The following ABCB4 variants were observed in gnomAD, a reference collection of about 807,000 sequenced individuals.
The protein encoded by ABCB4 is ATP binding cassette subfamily B member 4.
ABCB4 carries 76 observed loss-of-function variants against 145.7 expected under a neutral mutation model. That is an observed-to-expected ratio of 0.52 (90% CI 0.43 to 0.63). The LOEUF (loss-of-function observed/expected upper bound fraction) is 0.63. Among genes scored for constraint, ABCB4 ranks in the 30% least tolerant of loss-of-function variants. The pLI is 0.00. For synonymous variants in ABCB4, 517 were observed against 566.8 expected, an observed-to-expected ratio of 0.91 and a Z score of 1.25; for missense variants, 1,234 against 1,553.1, an observed-to-expected ratio of 0.79 and a Z score of 3.45.
Position 87,417,504 on chromosome 7 carries a change from G to A in ABCB4, c.2490C>T (p.Thr830=), listed in dbSNP as rs1307638480. The change falls in exon 21 of 28, where the codon ACC becomes ACT. Residue 830 remains threonine, a synonymous_variant. Coordinates refer to ENST00000649586, the MANE Select transcript of ABCB4 (RefSeq NM_000443.4). The part of the protein sequence containing the change: ...DAAQVQGATG[T]RLALIAQNIA... Reference sequence around the variant, plus strand: ...TATTCTGTGCAATTAAAGCCAACCTGGTTCCTGTGGCCTGGGAGAGAAAAA... The same window carrying A: ...TATTCTGTGCAATTAAAGCCAACCTAGTTCCTGTGGCCTGGGAGAGAAAAA... 1 of 1,614,042 alleles carries A rather than the reference G, an allele frequency of 6.2e-7. No homozygotes were observed. The highest frequency in any genetic ancestry group is 1.1e-5 in the South Asian group (1 of 91,074).
rs987762482 is a variant in ABCB4, at chr7:87,461,297, T to G, written c.286+1461A>C. 2.7e-4 allele frequency among the ~76,000 whole-genome samples: 41 copies of G among 152,320 alleles called. 1 individual carries two copies. Among genetic ancestry groups the G allele is most frequent in the Middle Eastern group, 6.8e-3 (2 of 294 alleles). The stretch of plus-strand genomic sequence containing the variant: ...TCTGTCCTACCACAACTTCACAATG[T>G]TTATGTTAAAGTTTTGGTCACTAGT... On this transcript the variant is annotated intron_variant, in intron 4 of 27. Coordinates refer to ENST00000649586, the MANE Select transcript of ABCB4 (RefSeq NM_000443.4).
chr7:87,377,449 A>G, the ABCB4 span: 2 of 1,567,806 alleles, frequency 1.3e-6, no homozygotes, highest in African/African-American at 1.4e-5. Context: ...TGTAATTGTG[A>G]TGTAAGTAAA....
At chr7:87,376,826 T>C in the ABCB4 span, among the ~76,000 whole-genome samples, 81 of 152,272 alleles carry the variant, frequency 5.3e-4, no homozygotes, top group African/African-American at 1.9e-3. Context: ...TAATTACTTT[T>C]ATTGTCTGTG....
chr7:87,453,168 C>T (rs775971416), intron 5 of ABCB4, 33 bp from the exon 6 acceptor site: 10 of 1,588,222 alleles, frequency 6.3e-6, no homozygotes, highest in South Asian at 1.1e-5. Flanking sequence ...TATTAAATAC[C>T]TTCTCTTTTC....
chr7:87,469,057 G>A (rs1286423263), intron 3 of ABCB4, among the ~76,000 whole-genome samples: 2 of 152,136 alleles, frequency 1.3e-5, no homozygotes, highest in African/African-American at 2.4e-5. Flanking sequence ...TGGGATGCAA[G>A]GCTGGTTCAA....
At chr7:87,452,844 G>T in intron 6 of ABCB4, 100 bp downstream of exon 6, 4 of 1,310,062 alleles carry the variant, frequency 3.1e-6, no homozygotes, top group Non-Finnish European at 4.3e-6. Context: ...TAGATCAGAT[G>T]CTCAATCTAG....
chr7:87,436,034 C>T (rs1393097119), intron 14 of ABCB4, among the ~76,000 whole-genome samples: 4 of 152,140 alleles, frequency 2.6e-5, no homozygotes, highest in Non-Finnish European at 5.9e-5. Flanking sequence ...TGAACCTGTA[C>T]ATCTGGCTGA....
chr7:87,447,194 T>C lies in ABCB4; in HGVS notation c.845A>G (p.His282Arg). The stretch of plus-strand genomic sequence containing the variant: ...TCCAATCTCTTTGGCATTTTCTAAA[T>C]GTTTCTGATACCTACCAGAAAAATG... ...QNKELERYQK[H>R]LENAKEIGIK... The change falls in exon 9 of 28, where the codon CAT becomes CGT. Residue 282 changes from histidine (H) to arginine (R), a missense_variant. By Grantham distance (29) the His-to-Arg change is conservative. Coordinates refer to ENST00000649586, the MANE Select transcript of ABCB4 (RefSeq NM_000443.4). 6.2e-7 allele frequency: 1 copy of C among 1,613,600 alleles called. No individual in the cohort carries two copies. The highest frequency in any genetic ancestry group is 8.5e-7 in the Non-Finnish European group (1 of 1,179,706).
Position 87,466,810 on chromosome 7 carries a change from G to A in ABCB4, c.136-3902C>T, listed in dbSNP as rs890885927. Among the ~76,000 whole-genome samples, 64 of 152,172 alleles carry A rather than the reference G, an allele frequency of 4.2e-4. No individual in the cohort carries two copies. The Middle Eastern group carries it at 0.01, about 24-fold the overall frequency. On this transcript the variant is annotated intron_variant, in intron 3 of 27. Coordinates refer to ENST00000649586, the MANE Select transcript of ABCB4 (RefSeq NM_000443.4). ...CATCCAGCCAAACTAAGCTTCATAA[G>A]CGAAGGAGAAATAAAATACTTTACA...
chr7:87,375,520 T>G, the ABCB4 span: 1 of 675,672 alleles, frequency 1.5e-6, no homozygotes, highest in South Asian at 2.2e-5. Flanking sequence ...GTGGTTTCTT[T>G]GGGTAATATA....
the ABCB4 span, among the ~76,000 whole-genome samples, chr7:87,385,207 T>A: frequency 7.3e-5 from 11 of 151,672 alleles, no homozygotes; most frequent in South Asian, 2.3e-3. Context: ...AATTTTTGGA[T>A]TTTTTTTTCC....
chr7:87,399,590 GTAT>G (rs1290956668), downstream of ABCB4: 1 of 152,164 alleles, frequency 6.6e-6, no homozygotes, highest in Non-Finnish European at 1.5e-5. Context: ...TCATTGTGGT[GTAT>G]TATAATTAGT....
intron 9 of ABCB4, 118 bp from the exon 10 acceptor site, chr7:87,445,093 T>C (rs1010559735): frequency 2.8e-6 from 2 of 715,662 alleles, no homozygotes; most frequent in Admixed American, 2.7e-5. Flanking sequence ...ATCCTTTCCT[T>C]TTTTTTTTGT....
At chr7:87,420,912 G>T (rs1404491820) in intron 18 of ABCB4, among the ~76,000 whole-genome samples, 1 of 152,162 alleles carries the variant, frequency 6.6e-6, no homozygotes, top group Non-Finnish European at 1.5e-5. Context: ...CAATAAACCA[G>T]TTAAATACAG....
intron 7 of ABCB4, among the ~76,000 whole-genome samples, chr7:87,451,078 G>A (rs1469836836): frequency 6.6e-6 from 1 of 151,440 alleles, no homozygotes; most frequent in Non-Finnish European, 1.5e-5. Context: ...TAATTTGAGG[G>A]AAATGTTATA....
intron 14 of ABCB4, among the ~76,000 whole-genome samples, chr7:87,436,931 C>T (rs1431928889): frequency 6.6e-6 from 1 of 152,122 alleles, no homozygotes; most frequent in Non-Finnish European, 1.5e-5. Flanking sequence ...AAATGAAGAC[C>T]CTCATCTGTA....
chr7:87,449,861 A>G, intron 8 of ABCB4, 107 bp downstream of exon 8: 1 of 1,552,254 alleles, frequency 6.4e-7, no homozygotes, highest in Non-Finnish European at 8.9e-7. Flanking sequence ...TTTATGCGAG[A>G]AGGGTTAATA....
chr7:87,450,706 G>A (rs1459603270), intron 7 of ABCB4, among the ~76,000 whole-genome samples: 2 of 151,866 alleles, frequency 1.3e-5, no homozygotes, highest in East Asian at 1.9e-4. Flanking sequence ...TCCTGACCTC[G>A]TGATCCACCC....
chr7:87,397,225 C>A (rs960126066), downstream of ABCB4, among the ~76,000 whole-genome samples: 4 of 151,926 alleles, frequency 2.6e-5, no homozygotes, highest in Non-Finnish European at 5.9e-5. Context: ...GTAGCACACA[C>A]CTGTAGTCTG....
Sources: gnomAD v4.1 joint callset for allele counts (sites outside exome capture counted in the v4.1 genomes callset) on GRCh38, gnomAD v4.1.1 for gene constraint, MANE v1.5 for transcripts, NCBI Gene and HGNC (gene_info 2026-07-23, HGNC 2026-07-21) for gene names.